The following CAMKK2 variants were observed in gnomAD, a reference collection of about 807,000 sequenced individuals.
The protein encoded by CAMKK2 is calcium/calmodulin dependent protein kinase kinase 2.
In CAMKK2, 30 loss-of-function variants were observed where a neutral mutation model predicts 67.2. The observed-to-expected ratio is 0.45, with a 90% confidence interval of 0.33 to 0.61. The LOEUF (loss-of-function observed/expected upper bound fraction) is 0.61. Ranked by LOEUF, CAMKK2 falls within the 20% of genes least tolerant of loss-of-function variation. The probability of loss-of-function intolerance (pLI) is 0.02; values close to 1 mark genes in which losing one functional copy is unlikely to be tolerated. For missense variants in CAMKK2, 643 were observed against 802.0 expected, an observed-to-expected ratio of 0.80 and a Z score of 2.39; for synonymous variants, 322 against 326.2, an observed-to-expected ratio of 0.99 and a Z score of 0.14.
intron 3 of CAMKK2, among the ~76,000 whole-genome samples, chr12:121,270,539 T>G (rs899618758): frequency 6.6e-6 from 1 of 152,132 alleles, no homozygotes; most frequent in Non-Finnish European, 1.5e-5. Flanking sequence ...TGTTTTCTAC[T>G]GGCATTTGGA....
At chr12:121,297,121 A>C (rs1901444913), upstream of CAMKK2, 1 of 154,590 alleles carries the variant, frequency 6.5e-6, no homozygotes, top group Non-Finnish European at 1.4e-5. Context: ...GCACCTGCCC[A>C]GGTTCTTCCC....
chr12:121,244,692 T>C lies in CAMKK2; in HGVS notation c.1554-77A>G, dbSNP rs369346730. On this transcript the variant is annotated intron_variant, in intron 15 of 16. Transcript: ENST00000404169. ...CCACGGGATGCCCGTTCCCCCACCC[T>C]GAGACACTCAGACCCCAAACACCAG... The C allele has an allele frequency of 7.3e-6, 9 of 1,230,756 alleles. No individual in the cohort carries two copies. The African/African-American group carries it at 1.1e-4, about 14-fold the overall frequency. The allele number at this position is 1,230,756 out of a possible 1,614,324, so 76.2% of individuals were successfully genotyped here.
chr12:121,255,222 A>ATATATATATAATTATATATATATAAAAT (rs1319654437), intron 9 of CAMKK2, among the ~76,000 whole-genome samples: 1 of 17,512 alleles, frequency 5.7e-5, no homozygotes, highest in Non-Finnish European at 8.9e-5. Flanking sequence ...ATATAATTTT[A>ATATATATATAATTATATATATATAAAAT]TATATATATA....
chr12:121,282,749 TTTTTC>T (rs142853866), intron 1 of CAMKK2, among the ~76,000 whole-genome samples: 15,424 of 150,588 alleles, frequency 0.1, 876 homozygotes, highest in Middle Eastern at 0.18. Context: ...TCTGTTCTTT[TTTTTC>T]TTTTCTTTTC....
At chr12:121,264,753 G>C (rs1033474253) in intron 5 of CAMKK2, among the ~76,000 whole-genome samples, 4 of 149,194 alleles carry the variant, frequency 2.7e-5, no homozygotes, top group Admixed American at 1.3e-4. Flanking sequence ...GAGCCTGGGT[G>C]ACACAGCAAG....
In CAMKK2 at chr12:121,296,427, G is replaced by A. The variant is rs999316956; in HGVS notation, c.-60+211C>T. ...GAGGCCCAGGGCGCCCAGAGGACGC[G>A]GGGGAAGGGCTGTCGGGGACCGTGT... On this transcript the variant is annotated intron_variant, in intron 1 of 16. Coordinates refer to ENST00000404169, the MANE Select transcript of CAMKK2 (RefSeq NM_001270485.2). The surrounding 1 kb of genome is among the most constrained non-coding windows in gnomAD (Gnocchi z 7.1). 6.6e-6 allele frequency among the ~76,000 whole-genome samples: 1 copy of A among 152,180 alleles called. No individual in the cohort carries two copies. The highest frequency in any genetic ancestry group is 2.4e-5 in the African/African-American group (1 of 41,458).
intron 1 of CAMKK2, among the ~76,000 whole-genome samples, chr12:121,277,694 C>T (rs1182338699): frequency 2.6e-5 from 4 of 152,190 alleles, no homozygotes. Context: ...AGGCCAGATG[C>T]AGTGGTTCGC....
chr12:121,250,568 G>A (rs1890496102), intron 11 of CAMKK2, among the ~76,000 whole-genome samples: 1 of 152,068 alleles, frequency 6.6e-6, no homozygotes, highest in Admixed American at 6.6e-5. Flanking sequence ...ACCTTCTCAG[G>A]GAGGACTTCC....
At chr12:121,257,403 C>T (rs1450387570) in intron 7 of CAMKK2, among the ~76,000 whole-genome samples, 1 of 152,126 alleles carries the variant, frequency 6.6e-6, no homozygotes, top group Non-Finnish European at 1.5e-5. Flanking sequence ...CCTGCCACCA[C>T]ACCCGGCTAA....
At position 121,244,170 on chromosome 12, in the gene CAMKK2, C is replaced by T. The variant is rs748751234; in HGVS notation, c.1596+403G>A. On this transcript the variant is annotated intron_variant, in intron 16 of 16. Coordinates refer to ENST00000404169, the MANE Select transcript of CAMKK2 (RefSeq NM_001270485.2). The stretch of plus-strand genomic sequence containing the variant: ...AAAGAGAAGTGGAGGCTGGAGAGCC[C>T]CTAGCGAAGAGCCACACAGTGCAGC... The T allele has an allele frequency of 6.9e-6, 11 of 1,600,506 alleles. No homozygotes were observed. In the Admixed American group the frequency reaches 1.4e-4, roughly 20 times the overall value.
rs1340469233 is a variant in CAMKK2 at position 121,274,044 on chromosome 12, C to G, written c.471+12G>C. On this transcript the variant is annotated intron_variant, in intron 2 of 16. Transcript: ENST00000404169. The stretch of plus-strand genomic sequence containing the variant: ...GGACCCCTAGGACCTGGCTCACCAC[C>G]GGCTCACGCACCTGCATACCCGTGA... 6 of 1,470,872 alleles carry G rather than the reference C, an allele frequency of 4.1e-6. No individual in the cohort carries two copies. In the South Asian group the frequency reaches 8.5e-5, roughly 21 times the overall value. 91.1% of individuals were successfully genotyped at this position (1,470,872 alleles called of 1,614,324 possible). A position where few individuals can be genotyped will look rare whatever the true frequency, so the allele number is the denominator to read the frequency against.
At chr12:121,269,044 CGGGG>C (rs1566093933) in intron 4 of CAMKK2, among the ~76,000 whole-genome samples, 1 of 148,364 alleles carries the variant, frequency 6.7e-6, no homozygotes, top group African/African-American at 2.5e-5. Context: ...GTTTTACACA[CGGGG>C]AAACTGAGGC....
chr12:121,257,042 C>T (rs1046641565), intron 7 of CAMKK2, among the ~76,000 whole-genome samples: 2 of 150,992 alleles, frequency 1.3e-5, no homozygotes, highest in East Asian at 1.9e-4. Context: ...AGAGCACAGT[C>T]GATTTCAAAA....
At chr12:121,280,307 A>C (rs754438619) in intron 1 of CAMKK2, among the ~76,000 whole-genome samples, 1 of 152,250 alleles carries the variant, frequency 6.6e-6, no homozygotes, top group African/African-American at 2.4e-5. Flanking sequence ...TCACTTCCCC[A>C]GTCAATACCC....
Position 121,253,270 on chromosome 12 carries a change from T to C in CAMKK2, c.1107+3A>G. 6.2e-7 allele frequency: 1 copy of C among 1,613,982 alleles called. No individual in the cohort carries two copies. Among genetic ancestry groups the C allele is most frequent in the South Asian group, 1.1e-5 (1 of 91,084 alleles). On this transcript the variant is annotated splice_donor_region_variant and intron_variant, in intron 10 of 16. Coordinates refer to ENST00000404169, the MANE Select transcript of CAMKK2 (RefSeq NM_001270485.2). The surrounding 1 kb of genome is among the most constrained non-coding windows in gnomAD (Gnocchi z 5.0). ...TCTGTGGCTGAGGCAGGCCCAAGCT[T>C]ACCTTCCCAGAGAAGATCTTGCGGG... is the stretch of plus-strand genomic sequence containing the variant.
Position 121,279,152 on chromosome 12 carries a change from T to C in CAMKK2, c.-59-4567A>G, listed in dbSNP as rs557666474. ...GCAAGGCTGCTTTTAATCGGCCTCCTTGGCAAGCTGGCATCTGGCCCGGGC... is the reference window on the plus strand; with the variant it reads ...GCAAGGCTGCTTTTAATCGGCCTCCCTGGCAAGCTGGCATCTGGCCCGGGC... On this transcript the variant is annotated intron_variant, in intron 1 of 16. Transcript: ENST00000404169. 5.3e-5 allele frequency among the ~76,000 whole-genome samples: 8 copies of C among 152,380 alleles called. No homozygotes were observed. In the East Asian group the frequency reaches 1.5e-3, roughly 29 times the overall value.
At chr12:121,271,015 C>G in intron 2 of CAMKK2, 70 bp from the exon 3 acceptor site, 1 of 1,287,916 alleles carries the variant, frequency 7.8e-7, no homozygotes, top group Non-Finnish European at 1.1e-6. Flanking sequence ...CACGGTGGCT[C>G]ACACCTACAA....
chr12:121,258,303 C>T (rs946529732), intron 7 of CAMKK2, among the ~76,000 whole-genome samples: 10 of 152,138 alleles, frequency 6.6e-5, no homozygotes, highest in African/African-American at 2.2e-4. Flanking sequence ...AGATTACAGG[C>T]ATGAGCCACC....
At chr12:121,244,388 T>G (rs781242455) in intron 16 of CAMKK2, among the ~76,000 whole-genome samples, 185 bp downstream of exon 16, 1 of 152,204 alleles carries the variant, frequency 6.6e-6, no homozygotes, top group Non-Finnish European at 1.5e-5. Flanking sequence ...TGACCCACCA[T>G]TGGGTCCAAG....
Sources: allele counts gnomAD v4.1 joint callset (sites outside exome capture counted in the v4.1 genomes callset), GRCh38; gene constraint gnomAD v4.1.1; non-coding constraint Gnocchi (gnomAD v3.1); transcripts MANE v1.5; gene names NCBI Gene and HGNC (gene_info 2026-07-23, HGNC 2026-07-21).